The following MGAT4C variants were observed in gnomAD, a reference collection of about 807,000 sequenced individuals.
MGAT4C encodes the protein MGAT4 family member C.
Under a neutral mutation model 40.1 loss-of-function variants are expected in MGAT4C, and 19 were observed. The observed-to-expected ratio is 0.47, with a 90% CI of 0.33 to 0.70. MGAT4C has a LOEUF of 0.70. Among genes scored for constraint, MGAT4C ranks in the 30% least tolerant of loss-of-function variants. The pLI, the probability that MGAT4C is intolerant of heterozygous loss-of-function variation, is 0.02. For synonymous variants in MGAT4C, 181 were observed against 187.1 expected (o/e 0.97, Z 0.27); for missense variants, 491 against 563.2 (o/e 0.87, Z 1.30).
At chr12:86,243,595 G>A (rs1951882124) in intron 1 of MGAT4C, among the ~76,000 whole-genome samples, 1 of 152,296 alleles carries the variant, frequency 6.6e-6, no homozygotes, top group East Asian at 1.9e-4. Flanking sequence ...AAAAGCCCAT[G>A]AAAGAGCCTC....
At chr12:86,770,967 T>C (rs1419650635) in intron 1 of MGAT4C, among the ~76,000 whole-genome samples, 1 of 152,050 alleles carries the variant, frequency 6.6e-6, no homozygotes, top group Non-Finnish European at 1.5e-5. Flanking sequence ...CAGAATGTAA[T>C]TGTATTTGGA....
intron 1 of MGAT4C, among the ~76,000 whole-genome samples, chr12:86,792,058 C>T (rs1952031848): frequency 6.6e-6 from 1 of 152,080 alleles, no homozygotes; most frequent in Admixed American, 6.6e-5. Flanking sequence ...ACAACGTTGA[C>T]AGAAAAATAG....
At chr12:86,317,648 A>G (rs1954276008) in intron 4 of MGAT4C, among the ~76,000 whole-genome samples, 1 of 151,868 alleles carries the variant, frequency 6.6e-6, no homozygotes, top group African/African-American at 2.4e-5. Flanking sequence ...CTCTTTTGAG[A>G]AGTTAGGATA....
Position 86,604,327 on chromosome 12 carries a change from T to TGATGACCC in MGAT4C, c.-229+122874_-229+122881dup, listed in dbSNP as rs532124200. Among the ~76,000 whole-genome samples, 39 of 152,294 alleles carry TGATGACCC rather than the reference T, an allele frequency of 2.6e-4. No individual in the cohort carries two copies. In the South Asian group the frequency reaches 8.1e-3, roughly 32 times the overall value. ...GCTAAAATTCTCAGGAAGGATGATC[T>TGATGACCC]GATGACCCAGCTTTGATTTACCTCT... is the stretch of plus-strand genomic sequence containing the variant. On this transcript the variant is annotated intron_variant, in intron 2 of 7. Transcript: ENST00000548651.
At chr12:86,340,890 C>T (rs1435918341) in intron 3 of MGAT4C, among the ~76,000 whole-genome samples, 3 of 151,962 alleles carry the variant, frequency 2.0e-5, no homozygotes, top group African/African-American at 7.3e-5. Context: ...ACCTTAAGGC[C>T]CAAGTTTAAC....
intron 2 of MGAT4C, among the ~76,000 whole-genome samples, chr12:86,633,160 C>A (rs1372003212): frequency 1.3e-5 from 2 of 151,756 alleles, no homozygotes; most frequent in African/African-American, 4.8e-5. Context: ...CCGATTATTG[C>A]AAGTTTTAAG....
intron 4 of MGAT4C, among the ~76,000 whole-genome samples, chr12:86,280,979 A>C (rs982872609): frequency 6.6e-6 from 1 of 152,072 alleles, no homozygotes; most frequent in Admixed American, 6.6e-5. Context: ...TAATCCATTT[A>C]CCAGTAATAT....
intron 1 of MGAT4C, among the ~76,000 whole-genome samples, chr12:86,212,368 A>C (rs1950505681): frequency 6.6e-6 from 1 of 152,148 alleles, no homozygotes; most frequent in South Asian, 2.1e-4. Context: ...TTATCATTTA[A>C]AATAAGTATA....
chr12:86,357,671 A>T (rs978007851), intron 3 of MGAT4C, among the ~76,000 whole-genome samples: 1 of 152,208 alleles, frequency 6.6e-6, no homozygotes, highest in African/African-American at 2.4e-5. Flanking sequence ...CACAAGAACT[A>T]TGTGACACAG....
intron 3 of MGAT4C, among the ~76,000 whole-genome samples, chr12:86,410,700 T>G (rs2136245205): frequency 6.6e-6 from 1 of 152,252 alleles, no homozygotes; most frequent in South Asian, 2.1e-4. Flanking sequence ...CATAAGAAAT[T>G]ATGAGAGTAT....
chr12:86,607,025 G>T (rs976328127), intron 2 of MGAT4C, among the ~76,000 whole-genome samples: 3 of 151,952 alleles, frequency 2.0e-5, no homozygotes, highest in African/African-American at 7.2e-5. Flanking sequence ...AGTATATGAT[G>T]AACTTGGAAA....
intron 3 of MGAT4C, among the ~76,000 whole-genome samples, chr12:86,401,289 T>TGG (rs1194690002): frequency 1.5e-4 from 22 of 149,110 alleles, no homozygotes; most frequent in African/African-American, 5.0e-4. Context: ...TGTATGTGGG[T>TGG]GTGTGTGTGT....
chr12:86,149,710 T>A (rs1188490220), intron 1 of MGAT4C, among the ~76,000 whole-genome samples: 1 of 152,206 alleles, frequency 6.6e-6, no homozygotes, highest in Non-Finnish European at 1.5e-5. Context: ...AGAACATAAT[T>A]CTTCAACAGG....
intron 1 of MGAT4C, among the ~76,000 whole-genome samples, chr12:86,782,171 ATTTTTT>A (rs57791582): frequency 5.1e-3 from 205 of 40,252 alleles, no homozygotes; most frequent in Non-Finnish European, 7.7e-3. Flanking sequence ...TGTTTTTTGT[ATTTTTT>A]TTTTTTTTTT....
chr12:86,268,477 G>A (rs977386968), intron 4 of MGAT4C, among the ~76,000 whole-genome samples: 4 of 151,418 alleles, frequency 2.6e-5, no homozygotes, highest in African/African-American at 7.3e-5. Flanking sequence ...CTTCACTTCA[G>A]TGAATGTATA....
intron 2 of MGAT4C, among the ~76,000 whole-genome samples, chr12:86,559,359 A>G (rs1020520023): frequency 6.6e-6 from 1 of 151,984 alleles, no homozygotes; most frequent in Admixed American, 6.6e-5. Context: ...ACAGCCACAG[A>G]AGACATATTC....
chr12:86,312,824 G>A (rs1005167914), intron 4 of MGAT4C, among the ~76,000 whole-genome samples: 4 of 152,124 alleles, frequency 2.6e-5, no homozygotes, highest in African/African-American at 9.7e-5. Flanking sequence ...GTCTGCATTG[G>A]CCCATCAACT....
In MGAT4C at chr12:85,961,116, T is replaced by A. The variant is rs1883088778; in HGVS notation, c.*18173A>T. The A allele has an allele frequency of 6.6e-6, 1 of 151,956 alleles. No individual in the cohort carries two copies. Among genetic ancestry groups the A allele is most frequent in the Non-Finnish European group, 1.5e-5 (1 of 67,848 alleles). 9.4% of individuals were successfully genotyped at this position (151,956 alleles called of 1,614,324 possible). ...AATTGGGAGCAGGTAAGAAAATTGT[T>A]GTTGACTCTCATTAGTATTCTAATT... On this transcript the variant is annotated 3_prime_UTR_variant, in exon 5 of 5. Coordinates refer to ENST00000611864, the MANE Select transcript of MGAT4C (RefSeq NM_001351288.2).
At chr12:86,492,179 C>G (rs945333278) in intron 2 of MGAT4C, among the ~76,000 whole-genome samples, 1 of 152,156 alleles carries the variant, frequency 6.6e-6, no homozygotes, top group East Asian at 1.9e-4. Flanking sequence ...ATTCCATGCT[C>G]CTGGGTAGGA....
Sources: allele counts gnomAD v4.1 joint callset (sites outside exome capture counted in the v4.1 genomes callset), GRCh38; gene constraint gnomAD v4.1.1; transcripts MANE v1.5; gene names NCBI Gene and HGNC (gene_info 2026-07-23, HGNC 2026-07-21).